TMEM108: variants seen among roughly 807,000 people sequenced by gnomAD.
The protein encoded by TMEM108 is transmembrane protein 108.
Under a neutral mutation model 35.1 loss-of-function variants are expected in TMEM108, and 12 were observed. The observed-to-expected ratio is 0.34, with a 90% CI of 0.22 to 0.55. The LOEUF is 0.55. Among genes scored for constraint, TMEM108 ranks in the 20% least tolerant of loss-of-function variants. The probability of loss-of-function intolerance (pLI) is 0.89; values close to 1 mark genes in which losing one functional copy is unlikely to be tolerated. For missense variants in TMEM108, 680 were observed against 753.3 expected, an observed-to-expected ratio of 0.90 and a Z score of 1.14; for synonymous variants, 287 against 308.6, an observed-to-expected ratio of 0.93 and a Z score of 0.73.
chr3:133,061,355 C>T (rs547908468), intron 2 of TMEM108, among the ~76,000 whole-genome samples: 43 of 151,894 alleles, frequency 2.8e-4, no homozygotes, highest in African/African-American at 7.7e-4. Context: ...GGACTACAGG[C>T]GCCCGCCACC....
intron 2 of TMEM108, among the ~76,000 whole-genome samples, chr3:133,113,949 A>G (rs1944256359): frequency 6.6e-6 from 1 of 151,738 alleles, no homozygotes; most frequent in South Asian, 2.1e-4. Context: ...TGGATGTTCT[A>G]CTCTTTTTAG....
chr3:133,229,439 C>T, intron 3 of TMEM108, 88 bp downstream of exon 3: 2 of 1,310,594 alleles, frequency 1.5e-6, no homozygotes, highest in South Asian at 2.5e-5. Flanking sequence ...GGACGGAGAC[C>T]AGGGTTGGAT....
At chr3:133,257,225 G>T (rs1946560572) in intron 3 of TMEM108, 1 of 152,188 alleles carries the variant, frequency 6.6e-6, no homozygotes, top group Non-Finnish European at 1.5e-5. Context: ...TATGAGTAAT[G>T]AGGTGCTTGT....
chr3:133,295,362 C>T (rs1298739287), intron 3 of TMEM108, among the ~76,000 whole-genome samples: 1 of 152,114 alleles, frequency 6.6e-6, no homozygotes, highest in Non-Finnish European at 1.5e-5. Context: ...CCCTGCTCAC[C>T]ATCGTCTAGC....
chr3:133,181,892 C>T (rs767428113), intron 2 of TMEM108, among the ~76,000 whole-genome samples: 3 of 152,182 alleles, frequency 2.0e-5, no homozygotes, highest in Non-Finnish European at 4.4e-5. Context: ...AGCTTTTATG[C>T]TTTAGGCCCT....
intron 2 of TMEM108, among the ~76,000 whole-genome samples, chr3:133,216,443 T>C (rs2107845654): frequency 6.6e-6 from 1 of 152,212 alleles, no homozygotes; most frequent in African/African-American, 2.4e-5. Flanking sequence ...CCCTTGCATA[T>C]TTTTTATGGT....
At chr3:133,117,404 G>A (rs1261353789) in intron 2 of TMEM108, among the ~76,000 whole-genome samples, 1 of 152,292 alleles carries the variant, frequency 6.6e-6, no homozygotes, top group Admixed American at 6.5e-5. Context: ...TTAATAAAGA[G>A]TACATTCCTT....
intron 3 of TMEM108, among the ~76,000 whole-genome samples, chr3:133,287,458 CTCTCT>C (rs535677041): frequency 8.3e-4 from 127 of 152,300 alleles, no homozygotes; most frequent in African/African-American, 3.0e-3. Flanking sequence ...AATCCCAACC[CTCTCT>C]TCTGTAGGTT....
At chr3:133,040,415 G>A (rs544023006) in intron 1 of TMEM108, among the ~76,000 whole-genome samples, 5 of 152,094 alleles carry the variant, frequency 3.3e-5, no homozygotes, top group African/African-American at 4.8e-5. Flanking sequence ...AGATTGGCCA[G>A]GCTGGTCTTG....
intron 2 of TMEM108, among the ~76,000 whole-genome samples, chr3:133,109,817 T>A (rs1283751071): frequency 6.6e-6 from 1 of 152,236 alleles, no homozygotes; most frequent in Non-Finnish European, 1.5e-5. Context: ...TAGTCAATTA[T>A]GATTTGTAGC....
intron 3 of TMEM108, 126 bp from the exon 4 acceptor site, chr3:133,379,626 G>T (rs2072941358): frequency 1.1e-6 from 1 of 920,696 alleles, no homozygotes; most frequent in African/African-American, 1.7e-5. Context: ...GAGCACTAGT[G>T]TGGGCTCAGG....
intron 3 of TMEM108, among the ~76,000 whole-genome samples, chr3:133,320,821 T>C (rs919746680): frequency 1.2e-4 from 18 of 152,312 alleles, no homozygotes; most frequent in Admixed American, 8.5e-4. Context: ...GGCACATTTC[T>C]CAGCAGAAAC....
At chr3:133,154,903 G>A (rs1302009454) in intron 2 of TMEM108, among the ~76,000 whole-genome samples, 1 of 152,012 alleles carries the variant, frequency 6.6e-6, no homozygotes, top group Non-Finnish European at 1.5e-5. Context: ...TTTAGGTTTG[G>A]AGGTACATGT....
chr3:133,077,401 C>CCCTG (rs777713284), intron 2 of TMEM108, among the ~76,000 whole-genome samples: 40 of 152,118 alleles, frequency 2.6e-4, no homozygotes, highest in Non-Finnish European at 5.1e-4. Context: ...AGGGGAGGTG[C>CCCTG]CAGGGGCAGG....
chr3:133,369,244 G>A (rs563846230), intron 3 of TMEM108, among the ~76,000 whole-genome samples: 2 of 152,178 alleles, frequency 1.3e-5, no homozygotes, highest in Non-Finnish European at 2.9e-5. Flanking sequence ...TCTACCTGGG[G>A]AGTTGAGGGA....
At chr3:133,229,072 C>T (rs560076706) in intron 2 of TMEM108, among the ~76,000 whole-genome samples, 194 bp from the exon 3 acceptor site, 3 of 152,232 alleles carry the variant, frequency 2.0e-5, no homozygotes, top group Non-Finnish European at 2.9e-5. Context: ...TTTCAGGGTT[C>T]GACCAGTTGA....
intron 2 of TMEM108, among the ~76,000 whole-genome samples, chr3:133,130,408 A>T (rs1944475234): frequency 6.6e-6 from 1 of 152,250 alleles, no homozygotes; most frequent in South Asian, 2.1e-4. Flanking sequence ...GGTTAGAATC[A>T]TCTGAAGCTA....
At chr3:133,149,344 A>G (rs2107765253) in intron 2 of TMEM108, among the ~76,000 whole-genome samples, 1 of 152,314 alleles carries the variant, frequency 6.6e-6, no homozygotes, top group African/African-American at 2.4e-5. Flanking sequence ...ATCACCTCAT[A>G]TGCTCACCTT....
At chr3:133,209,379 C>G (rs574511211) in intron 2 of TMEM108, among the ~76,000 whole-genome samples, 96 of 152,154 alleles carry the variant, frequency 6.3e-4, no homozygotes, top group Non-Finnish European at 1.3e-3. Flanking sequence ...CTATGATATA[C>G]CTTGTCTAAT....
Sources: allele counts gnomAD v4.1 joint callset (sites outside exome capture counted in the v4.1 genomes callset), GRCh38; gene constraint gnomAD v4.1.1; transcripts MANE v1.5; gene names NCBI Gene and HGNC (gene_info 2026-07-23, HGNC 2026-07-21).